ESAM: variants seen among roughly 807,000 people sequenced by gnomAD.
ESAM encodes the protein endothelial cell-selective adhesion molecule.
Under a neutral mutation model 31.8 loss-of-function variants are expected in ESAM, and 23 were observed. The ratio of observed to expected loss-of-function variants is 0.72; its 90% CI spans 0.52 to 1.03. ESAM has a LOEUF of 1.03. Ranked by LOEUF, ESAM falls within the 50% of genes least tolerant of loss-of-function variation. The pLI is 0.00. For synonymous variants in ESAM, 216 were observed against 207.2 expected (o/e 1.04, Z -0.37); for missense variants, 478 against 488.9 (o/e 0.98, Z 0.21).
In ESAM at chr11:124,754,850, C is replaced by T; in HGVS notation, c.608-87G>A. 6.7e-7 allele frequency: 1 copy of T among 1,498,662 alleles called. No homozygotes were observed. The highest frequency in any genetic ancestry group is 8.9e-7 in the Non-Finnish European group (1 of 1,121,936). 92.8% of individuals were successfully genotyped at this position (1,498,662 alleles called of 1,614,324 possible). On this transcript the variant is annotated intron_variant, in intron 4 of 6. Coordinates refer to ENST00000278927, the MANE Select transcript of ESAM (RefSeq NM_138961.3). This position sits in a 1 kb window ranked among gnomAD's most constrained non-coding sequence, Gnocchi z 4.5. ...TCTTGTCCCTCCTCTGGAATGTCCC[C>T]TTTGACCCTCTGGGAGTCACGGCTT...
At position 124,756,523 on chromosome 11, in the gene ESAM, A is replaced by T. The variant is rs757488856; in HGVS notation, c.451+18T>A. ...CAGTGCAGGTGGGGAGGGGTCCGGA[A>T]ATCTGCTTCTCACTCACCCAGTACA... On this transcript the variant is annotated intron_variant, in intron 3 of 6. Transcript: ENST00000278927. 1.9e-6 allele frequency: 3 copies of T among 1,612,158 alleles called. No homozygotes were observed. The Admixed American group carries it at 5.0e-5, about 27-fold the overall frequency.
In ESAM at chr11:124,759,475, T is replaced by C. The variant is rs1944200835; in HGVS notation, c.71-948A>G. 6.6e-6 allele frequency: 1 copy of C among 152,242 alleles called. No homozygotes were observed. The highest frequency in any genetic ancestry group is 2.4e-5 in the African/African-American group (1 of 41,448). 9.4% of individuals were successfully genotyped at this position (152,242 alleles called of 1,614,324 possible). On this transcript the variant is annotated intron_variant, in intron 1 of 6. Transcript: ENST00000278927. The surrounding 1 kb of genome is among the most constrained non-coding windows in gnomAD (Gnocchi z 6.8). ...GGCCAGGCCTGAGGATGATCGCCGC[T>C]CCAGTCCCGGGCCCTACTCCCTCCA...
rs561044496 is a variant in ESAM at position 124,754,058 on chromosome 11, A to C, written c.858-97T>G. The C allele has an allele frequency of 3.2e-6, 5 of 1,551,490 alleles. No homozygotes were observed. In the South Asian group the frequency reaches 6.0e-5, roughly 19 times the overall value. Reference sequence around the variant, plus strand: ...TCTTATATACCACCTCTGCCTGCACACTTCAGTACTCCTTTCCCTCTCCCT... The same window carrying C: ...TCTTATATACCACCTCTGCCTGCACCCTTCAGTACTCCTTTCCCTCTCCCT... On this transcript the variant is annotated intron_variant, in intron 6 of 6. Transcript: ENST00000278927. This position sits in a 1 kb window ranked among gnomAD's most constrained non-coding sequence, Gnocchi z 4.5.
In ESAM at chr11:124,753,317, G is replaced by T. The variant is rs537019635; in HGVS notation, c.*329C>A. On this transcript the variant is annotated 3_prime_UTR_variant, in exon 7 of 7. Transcript: ENST00000278927. Reference sequence around the variant, plus strand: ...AAGGGTGGTGTTAGATAGGGGTGGGGTACAGATCAAGGGGGCCTGGGAGAC... The same window carrying T: ...AAGGGTGGTGTTAGATAGGGGTGGGTTACAGATCAAGGGGGCCTGGGAGAC... 8.9e-6 allele frequency: 3 copies of T among 337,168 alleles called. No homozygotes were observed. Among genetic ancestry groups the T allele is most frequent in the African/African-American group, 4.3e-5 (2 of 46,886 alleles). The allele number at this position is 337,168 out of a possible 1,614,324, so 20.9% of individuals were successfully genotyped here.
At chr11:124,756,973 A>G (rs1489448969) in intron 2 of ESAM, 5 of 550,594 alleles carry the variant, frequency 9.1e-6, no homozygotes, top group Non-Finnish European at 1.3e-5. Context: ...TCATCTCCCA[A>G]TTGCGGTGTT....
intron 4 of ESAM, 122 bp downstream of exon 4, chr11:124,756,085 T>C: frequency 1.6e-6 from 2 of 1,287,896 alleles, no homozygotes; most frequent in South Asian, 2.7e-5. Flanking sequence ...CCTCCCCACA[T>C]CCTCCTCCTC....
Position 124,756,370 on chromosome 11 carries a change from G to A in ESAM, c.452-8C>T. 1 of 1,593,806 alleles carries A rather than the reference G, an allele frequency of 6.3e-7. No individual in the cohort carries two copies. Among genetic ancestry groups the A allele is most frequent in the South Asian group, 1.1e-5 (1 of 88,676 alleles). On this transcript the variant is annotated splice_region_variant and splice_polypyrimidine_tract_variant and intron_variant, in intron 3 of 6. Coordinates refer to ENST00000278927, the MANE Select transcript of ESAM (RefSeq NM_138961.3). ...ATGGAGGAGCTGGAGGAACTGGGCA[G>A]GGGGAGACAGATTAAAACCACACCC...
Position 124,756,533 on chromosome 11 carries a change from T to G in ESAM, c.451+8A>C. 2 of 1,613,248 alleles carry G rather than the reference T, an allele frequency of 1.2e-6. No homozygotes were observed. The highest frequency in any genetic ancestry group is 1.7e-6 in the Non-Finnish European group (2 of 1,179,346). On this transcript the variant is annotated splice_region_variant and intron_variant, in intron 3 of 6. Transcript: ENST00000278927. Reference sequence around the variant, plus strand: ...GGGGAGGGGTCCGGAAATCTGCTTCTCACTCACCCAGTACATTGAGTTCTA... The same window carrying G: ...GGGGAGGGGTCCGGAAATCTGCTTCGCACTCACCCAGTACATTGAGTTCTA...
chr11:124,754,002 G>C lies in ESAM; in HGVS notation c.858-41C>G, dbSNP rs79106790. ...ATAACAAGAGGTCAGAAGTGGGTGGGGGAAGGAGGAGAGAGTTTCTACCTG... is the reference window on the plus strand; with the variant it reads ...ATAACAAGAGGTCAGAAGTGGGTGGCGGAAGGAGGAGAGAGTTTCTACCTG... On this transcript the variant is annotated intron_variant, in intron 6 of 6. Transcript: ENST00000278927. This position sits in a 1 kb window ranked among gnomAD's most constrained non-coding sequence, Gnocchi z 4.5. The C allele has an allele frequency of 1.2e-6, 2 of 1,603,100 alleles. No individual in the cohort carries two copies. Among genetic ancestry groups the C allele is most frequent in the Non-Finnish European group, 1.7e-6 (2 of 1,174,952 alleles).
chr11:124,758,252 C>G (rs529282766), intron 2 of ESAM, 97 bp downstream of exon 2: 15 of 1,426,718 alleles, frequency 1.1e-5, no homozygotes, highest in African/African-American at 4.2e-5. Context: ...TTCCCCGGCC[C>G]CCATTCCCTC....
Position 124,753,498 on chromosome 11 carries a change from G to A in ESAM, c.*148C>T. Reference sequence around the variant, plus strand: ...CTCCTGGACACTTAGGTCTTACTGAGATGGTTTTCCCACAGTAAAGAGAGG... The same window carrying A: ...CTCCTGGACACTTAGGTCTTACTGAAATGGTTTTCCCACAGTAAAGAGAGG... On this transcript the variant is annotated 3_prime_UTR_variant, in exon 7 of 7. Coordinates refer to ENST00000278927, the MANE Select transcript of ESAM (RefSeq NM_138961.3). 1 of 835,844 alleles carries A rather than the reference G, an allele frequency of 1.2e-6. No individual in the cohort carries two copies. Among genetic ancestry groups the A allele is most frequent in the Non-Finnish European group, 1.8e-6 (1 of 548,836 alleles). 51.8% of individuals were successfully genotyped at this position (835,844 alleles called of 1,614,324 possible).
chr11:124,761,448 T>C (rs1295225894), intron 1 of ESAM, among the ~76,000 whole-genome samples: 5 of 151,730 alleles, frequency 3.3e-5, no homozygotes. Flanking sequence ...ATAAGGGTGG[T>C]GGGCCTTGGG....
In ESAM at chr11:124,754,078, C is replaced by G. The variant is rs1050210021; in HGVS notation, c.858-117G>C. The G allele has an allele frequency of 6.4e-7, 1 of 1,553,436 alleles. No homozygotes were observed. Among genetic ancestry groups the G allele is most frequent in the African/African-American group, 1.4e-5 (1 of 73,602 alleles). ...TGCACACTTCAGTACTCCTTTCCCT[C>G]TCCCTTAAAACCTGCCCATAGGAAT... On this transcript the variant is annotated intron_variant, in intron 6 of 6. Coordinates refer to ENST00000278927, the MANE Select transcript of ESAM (RefSeq NM_138961.3). This position sits in a 1 kb window ranked among gnomAD's most constrained non-coding sequence, Gnocchi z 4.5.
rs760332691 is a variant in ESAM, at chr11:124,762,140, C to T, written c.15G>A (p.Pro5=). 1 of 1,609,190 alleles carries T rather than the reference C, an allele frequency of 6.2e-7. No homozygotes were observed. Among genetic ancestry groups the T allele is most frequent in the Admixed American group, 1.7e-5 (1 of 59,712 alleles). MISL[P]GPLVTNLLRF... is the part of the protein sequence containing the mutation. ...GCAGCAAGTTGGTCACCAGGGGCCC[C>T]GGGAGGGAAATCATGGCCCTCCCTG... Residue 5 remains proline (P), a synonymous_variant, in exon 1 of 7, where the codon CCG becomes CCA. Coordinates refer to ENST00000278927, the MANE Select transcript of ESAM (RefSeq NM_138961.3). The surrounding 1 kb of genome is among the most constrained non-coding windows in gnomAD (Gnocchi z 6.4).
chr11:124,755,762 C>T (rs557856), intron 4 of ESAM, among the ~76,000 whole-genome samples: 24,762 of 152,184 alleles, frequency 0.16, 2,609 homozygotes, highest in Middle Eastern at 0.23. Context: ...AGCATTGCCA[C>T]GCCTAGGAAA....
chr11:124,753,780 G>A lies in ESAM; in HGVS notation c.1039C>T (p.Leu347=), dbSNP rs1944121122. 5.6e-6 allele frequency: 9 copies of A among 1,613,820 alleles called. No homozygotes were observed. The highest frequency in any genetic ancestry group is 1.3e-5 in the African/African-American group (1 of 74,940). ...GGGTGGGCCCCATCTGTCGTGGGCA[G>A]TCTTGGTGAGGGCAGGGCCTGGCTG... ...LSSQALPSPR[L]PTTDGAHPQP... The change falls in exon 7 of 7, where the codon CTG becomes TTG. Residue 347 remains leucine, a synonymous_variant. Coordinates refer to ENST00000278927, the MANE Select transcript of ESAM (RefSeq NM_138961.3).
At position 124,754,610 on chromosome 11, in the gene ESAM, C is replaced by G. The variant is rs1217473708; in HGVS notation, c.730+31G>C. ...GCAACCCCTCCCCCACCATTGACCA[C>G]TCTTCTTAACCACACTTACCCCTCA... On this transcript the variant is annotated intron_variant, in intron 5 of 6. Transcript: ENST00000278927. The surrounding 1 kb of genome is among the most constrained non-coding windows in gnomAD (Gnocchi z 4.5). 1 of 1,596,930 alleles carries G rather than the reference C, an allele frequency of 6.3e-7. No homozygotes were observed. Among genetic ancestry groups the G allele is most frequent in the Non-Finnish European group, 8.5e-7 (1 of 1,170,614 alleles).
chr11:124,754,802 T>C lies in ESAM; in HGVS notation c.608-39A>G. 2 of 1,548,680 alleles carry C rather than the reference T, an allele frequency of 1.3e-6. No individual in the cohort carries two copies. The highest frequency in any genetic ancestry group is 1.7e-6 in the Non-Finnish European group (2 of 1,152,772). On this transcript the variant is annotated intron_variant, in intron 4 of 6. Coordinates refer to ENST00000278927, the MANE Select transcript of ESAM (RefSeq NM_138961.3). This position sits in a 1 kb window ranked among gnomAD's most constrained non-coding sequence, Gnocchi z 4.5. ...TTAGCCATCAGTCCAGGGACCCTCT[T>C]TCCCATTAAAAAAAAAAAAAAATCT...
At position 124,756,532 on chromosome 11, in the gene ESAM, C is replaced by G; in HGVS notation, c.451+9G>C. 3 of 1,612,984 alleles carry G rather than the reference C, an allele frequency of 1.9e-6. No homozygotes were observed. Among genetic ancestry groups the G allele is most frequent in the East Asian group, 4.5e-5 (2 of 44,834 alleles). ...TGGGGAGGGGTCCGGAAATCTGCTTCTCACTCACCCAGTACATTGAGTTCT... is the reference window on the plus strand; with the variant it reads ...TGGGGAGGGGTCCGGAAATCTGCTTGTCACTCACCCAGTACATTGAGTTCT... On this transcript the variant is annotated intron_variant, in intron 3 of 6. Transcript: ENST00000278927.
Sources: gnomAD v4.1 joint callset for allele counts (sites outside exome capture counted in the v4.1 genomes callset) on GRCh38, gnomAD v4.1.1 for gene constraint, Gnocchi (gnomAD v3.1) non-coding constraint, MANE v1.5 for transcripts, NCBI Gene and HGNC (gene_info 2026-07-23, HGNC 2026-07-21) for gene names.